FAM24B: variants seen among roughly 807,000 people sequenced by gnomAD.
The protein encoded by FAM24B is family with sequence similarity 24 member B, also known as protein FAM24B.
Under a neutral mutation model 2.3 loss-of-function variants are expected in FAM24B, and 3 were observed. That is an observed-to-expected ratio of 1.29 (90% CI 0.59 to 3.32). The LOEUF (loss-of-function observed/expected upper bound fraction) is 3.32, where lower values mean the gene tolerates loss of function less well. Ranked by LOEUF, FAM24B falls within the 30% of genes most tolerant of loss-of-function variation. The pLI, the probability that FAM24B is intolerant of heterozygous loss-of-function variation, is 0.03. For synonymous variants in FAM24B, 36 were observed against 46.3 expected, an observed-to-expected ratio of 0.78 and a Z score of 0.90; for missense variants, 98 against 117.2, an observed-to-expected ratio of 0.84 and a Z score of 0.76.
At chr10:122,879,241 G>A (rs1291122198) in intron 1 of FAM24B, among the ~76,000 whole-genome samples, 1 of 152,240 alleles carries the variant, frequency 6.6e-6, no homozygotes, top group Non-Finnish European at 1.5e-5. Flanking sequence ...GTGGCCCAGC[G>A]TCCACCACTA....
rs139880989 is a variant in FAM24B at position 122,850,544 on chromosome 10, G to A, written c.-29C>T. On this transcript the variant is annotated 5_prime_UTR_variant, in exon 3 of 4. It introduces an in-frame stop codon into an upstream open reading frame of the 5' UTR. Coordinates refer to ENST00000368898, the MANE Select transcript of FAM24B (RefSeq NM_152644.3). ...CACTGTATGGAGGTCAAAAGACTTC[G>A]ATGTACCTAGGCAGATAAGTGCAAG... 57 of 1,521,126 alleles carry A rather than the reference G, an allele frequency of 3.7e-5. 2 individuals carry two copies. The African/African-American group carries it at 5.1e-4, about 13-fold the overall frequency. The allele number at this position is 1,521,126 out of a possible 1,614,324, so 94.2% of individuals were successfully genotyped here.
At chr10:122,852,467 GTTCT>G (rs1566247751) in intron 2 of FAM24B, among the ~76,000 whole-genome samples, 1 of 152,160 alleles carries the variant, frequency 6.6e-6, no homozygotes, top group African/African-American at 2.4e-5. Flanking sequence ...AACTCACCAG[GTTCT>G]TATAATGAAG....
chr10:122,871,370 T>C (rs1360607406), intron 1 of FAM24B, among the ~76,000 whole-genome samples: 1 of 152,148 alleles, frequency 6.6e-6, no homozygotes, highest in Non-Finnish European at 1.5e-5. Flanking sequence ...CCCAAGGTAA[T>C]TTATAGATTT....
chr10:122,850,791 A>ACTC (rs1297296937), intron 2 of FAM24B: 1 of 380,122 alleles, frequency 2.6e-6, no homozygotes, highest in East Asian at 5.0e-5. Flanking sequence ...TCCAGAGAGA[A>ACTC]GGCTATCAGA....
At chr10:122,853,111 A>G (rs1847570618) in intron 2 of FAM24B, among the ~76,000 whole-genome samples, 1 of 151,870 alleles carries the variant, frequency 6.6e-6, no homozygotes, top group South Asian at 2.1e-4. Context: ...CACCTATTCA[A>G]GTCTTATGTT....
chr10:122,859,235 A>G (rs1327963687), intron 1 of FAM24B, among the ~76,000 whole-genome samples: 3 of 152,236 alleles, frequency 2.0e-5, no homozygotes, highest in African/African-American at 7.2e-5. Flanking sequence ...ACACCAAACA[A>G]AACACGTTGG....
At chr10:122,849,753 T>C (rs1429203147) in intron 3 of FAM24B, among the ~76,000 whole-genome samples, 1 of 151,608 alleles carries the variant, frequency 6.6e-6, no homozygotes, top group East Asian at 2.0e-4. Flanking sequence ...TGTCCCAGGC[T>C]CCGGGATGTG....
At chr10:122,870,049 A>G (rs1373095916) in intron 1 of FAM24B, among the ~76,000 whole-genome samples, 3 of 151,782 alleles carry the variant, frequency 2.0e-5, no homozygotes, top group Admixed American at 2.0e-4. Flanking sequence ...TAAGACTAAT[A>G]AAGAAGAAAA....
At chr10:122,865,845 T>G (rs183379732) in intron 1 of FAM24B, among the ~76,000 whole-genome samples, 3 of 152,138 alleles carry the variant, frequency 2.0e-5, no homozygotes, top group Admixed American at 2.0e-4. Flanking sequence ...TTGGGTACAT[T>G]GTATCTTTCA....
intron 1 of FAM24B, among the ~76,000 whole-genome samples, chr10:122,858,581 C>T (rs541228284): frequency 6.6e-6 from 1 of 152,174 alleles, no homozygotes; most frequent in East Asian, 1.9e-4. Flanking sequence ...TCACTGTGCC[C>T]CTGCGCATCC....
At chr10:122,871,534 C>G (rs573850712) in intron 1 of FAM24B, among the ~76,000 whole-genome samples, 2 of 151,582 alleles carry the variant, frequency 1.3e-5, no homozygotes, top group South Asian at 4.2e-4. Flanking sequence ...TGACTTCAAA[C>G]TATACTACAG....
intron 1 of FAM24B, among the ~76,000 whole-genome samples, chr10:122,874,788 T>C (rs1847952986): frequency 6.6e-6 from 1 of 152,168 alleles, no homozygotes; most frequent in African/African-American, 2.4e-5. Context: ...CAACACAAAT[T>C]TGTAAACTTT....
At chr10:122,858,143 G>A (rs1439163048) in intron 1 of FAM24B, among the ~76,000 whole-genome samples, 1 of 152,088 alleles carries the variant, frequency 6.6e-6, no homozygotes, top group Non-Finnish European at 1.5e-5. Context: ...GCAAAGACTT[G>A]GAACCAACCC....
intron 1 of FAM24B, among the ~76,000 whole-genome samples, chr10:122,858,272 A>G (rs1444644715): frequency 2.0e-5 from 3 of 152,144 alleles, no homozygotes; most frequent in Non-Finnish European, 4.4e-5. Context: ...ATGAAGCTGG[A>G]AACCATCATT....
chr10:122,862,604 T>A (rs1847742697), intron 1 of FAM24B, among the ~76,000 whole-genome samples: 1 of 152,164 alleles, frequency 6.6e-6, no homozygotes, highest in African/African-American at 2.4e-5. Flanking sequence ...TAAAAGGCCT[T>A]TGTTTTCAGG....
At chr10:122,863,135 T>C (rs1847752381) in intron 1 of FAM24B, among the ~76,000 whole-genome samples, 1 of 152,200 alleles carries the variant, frequency 6.6e-6, no homozygotes. Flanking sequence ...TGTAGCTTTT[T>C]GGCCATGTTG....
chr10:122,869,685 C>G (rs1390937227), intron 1 of FAM24B, among the ~76,000 whole-genome samples: 1 of 152,268 alleles, frequency 6.6e-6, no homozygotes, highest in African/African-American at 2.4e-5. Flanking sequence ...TGAATGACTA[C>G]TGGGTACATA....
chr10:122,857,649 A>C (rs1233598563), intron 1 of FAM24B, among the ~76,000 whole-genome samples: 2 of 152,162 alleles, frequency 1.3e-5, no homozygotes, highest in Admixed American at 6.5e-5. Flanking sequence ...TATTTATGGT[A>C]CTTATGTATC....
At chr10:122,870,609 C>A (rs905841011) in intron 1 of FAM24B, among the ~76,000 whole-genome samples, 3 of 152,192 alleles carry the variant, frequency 2.0e-5, no homozygotes, top group Non-Finnish European at 4.4e-5. Context: ...GGCTTCATCC[C>A]TGGGATGCAA....
Sources: allele counts gnomAD v4.1 joint callset (sites outside exome capture counted in the v4.1 genomes callset), GRCh38; gene constraint gnomAD v4.1.1; transcripts MANE v1.5; gene names NCBI Gene and HGNC (gene_info 2026-07-23, HGNC 2026-07-21).